Variants in MAML2 observed in about 807,000 individuals in gnomAD.
MAML2 encodes mastermind-like protein 2.
In MAML2, 22 loss-of-function variants were observed where a neutral mutation model predicts 96.1. That is an observed-to-expected ratio of 0.23 (90% CI 0.16 to 0.33). The LOEUF is 0.33. Among genes scored for constraint, MAML2 ranks in the 10% least tolerant of loss-of-function variants. MAML2 has a pLI of 1.00. For synonymous variants in MAML2, 561 were observed against 521.3 expected (o/e 1.08, Z -1.04); for missense variants, 1,367 against 1,392.4 (o/e 0.98, Z 0.29).
chr11:96,204,930 C>T (rs1393880161), intron 1 of MAML2, among the ~76,000 whole-genome samples: 1 of 152,190 alleles, frequency 6.6e-6, no homozygotes, highest in South Asian at 2.1e-4. Context: ...TTACATTGAT[C>T]GGAGGGCCTC....
At chr11:96,058,070 G>A (rs950927152) in intron 2 of MAML2, among the ~76,000 whole-genome samples, 4 of 152,262 alleles carry the variant, frequency 2.6e-5, no homozygotes, top group Non-Finnish European at 4.4e-5. Context: ...AAGGCCTCAA[G>A]TAAGGGTGTG....
chr11:96,328,828 A>G (rs1863818541), intron 1 of MAML2, among the ~76,000 whole-genome samples: 1 of 152,172 alleles, frequency 6.6e-6, no homozygotes, highest in South Asian at 2.1e-4. Context: ...TTTTAGCGAT[A>G]AGAAAAAAAG....
chr11:96,128,205 C>G (rs990136249), intron 1 of MAML2, among the ~76,000 whole-genome samples: 1 of 152,046 alleles, frequency 6.6e-6, no homozygotes, highest in Non-Finnish European at 1.5e-5. Flanking sequence ...ATCAGCCTGA[C>G]GAATATGGTG....
chr11:96,121,437 A>G (rs1860338355), intron 1 of MAML2, among the ~76,000 whole-genome samples: 1 of 152,190 alleles, frequency 6.6e-6, no homozygotes, highest in Admixed American at 6.5e-5. Flanking sequence ...TGTCCAGTGG[A>G]TATTATTAGC....
At chr11:96,299,056 A>AT (rs1191083053) in intron 1 of MAML2, among the ~76,000 whole-genome samples, 45 of 49,594 alleles carry the variant, frequency 9.1e-4, no homozygotes, top group Non-Finnish European at 1.2e-3. Flanking sequence ...AAAAAAAAAA[A>AT]AAAAATATAT....
rs1859764134 is a variant in MAML2, at chr11:96,093,299, G to A, written c.732C>T (p.Asn244=). ...PMSQAPLRKT[N]TLPSHTHSPG... is the part of the protein sequence containing the mutation. ...GAGAATGTGTATGGGATGGCAGAGT[G>A]TTAGTCTTTCGCAGGGGTGCTTGGC... is the stretch of plus-strand genomic sequence containing the variant. The change falls in exon 2 of 5, where the codon AAC becomes AAT. Residue 244 remains asparagine, a synonymous_variant. Transcript: ENST00000524717. The A allele has an allele frequency of 1.2e-6, 2 of 1,613,890 alleles. No homozygotes were observed. Among genetic ancestry groups the A allele is most frequent in the African/African-American group, 2.7e-5 (2 of 74,914 alleles).
chr11:96,326,358 C>CGTGTGTGTGT (rs35138919), intron 1 of MAML2, among the ~76,000 whole-genome samples: 29 of 147,756 alleles, frequency 2.0e-4, no homozygotes, highest in African/African-American at 6.8e-4. Context: ...CACACTAAAG[C>CGTGTGTGTGT]GTGTGTGTGT....
intron 1 of MAML2, among the ~76,000 whole-genome samples, chr11:96,281,899 A>G (rs116869513): frequency 0.03 from 4,559 of 152,160 alleles, 85 homozygotes; most frequent in South Asian, 0.063. Context: ...AAAAACAAAA[A>G]AGACCTGATC....
chr11:96,262,331 C>A (rs1862760777), intron 1 of MAML2, among the ~76,000 whole-genome samples: 1 of 152,126 alleles, frequency 6.6e-6, no homozygotes, highest in Non-Finnish European at 1.5e-5. Flanking sequence ...CCTCAGTTAG[C>A]ATTATTATTT....
chr11:96,208,978 G>A (rs1442268256), intron 1 of MAML2, among the ~76,000 whole-genome samples: 1 of 152,134 alleles, frequency 6.6e-6, no homozygotes, highest in African/African-American at 2.4e-5. Flanking sequence ...TTTTCAAAAT[G>A]TGGTCCAGAA....
chr11:96,017,802 C>T (rs1217237820), intron 2 of MAML2, among the ~76,000 whole-genome samples: 1 of 151,986 alleles, frequency 6.6e-6, no homozygotes, highest in Non-Finnish European at 1.5e-5. Flanking sequence ...TGCTGCTGTG[C>T]AAGAGGCAAG....
chr11:96,332,510 C>G (rs1183387165), intron 1 of MAML2, among the ~76,000 whole-genome samples: 2 of 152,194 alleles, frequency 1.3e-5, no homozygotes, highest in East Asian at 1.9e-4. Context: ...GGCTCTAGGA[C>G]TTGGGCCCAA....
At chr11:96,136,160 T>A (rs1337134694) in intron 1 of MAML2, among the ~76,000 whole-genome samples, 1 of 152,116 alleles carries the variant, frequency 6.6e-6, no homozygotes. Context: ...GAAGTCCAGG[T>A]TATATCTAAA....
chr11:96,310,093 T>C lies in MAML2; in HGVS notation c.513+31290A>G, dbSNP rs189265908. Among the ~76,000 whole-genome samples the C allele has an allele frequency of 5.3e-5, 8 of 152,242 alleles. No homozygotes were observed. The East Asian group carries it at 1.5e-3, about 29-fold the overall frequency. ...TTCTTGCTCTTTTAAAAAACTATCA[T>C]CATATTTGGAGCCAAGAAATCAGTT... On this transcript the variant is annotated intron_variant, in intron 1 of 4. Transcript: ENST00000524717.
At chr11:96,029,439 A>C (rs183317750) in intron 2 of MAML2, among the ~76,000 whole-genome samples, 3 of 152,246 alleles carry the variant, frequency 2.0e-5, no homozygotes, top group Non-Finnish European at 4.4e-5. Context: ...GCCGTCTCAA[A>C]GAGATTCTTT....
At chr11:96,150,238 T>C (rs1295440227) in intron 1 of MAML2, among the ~76,000 whole-genome samples, 2 of 152,158 alleles carry the variant, frequency 1.3e-5, no homozygotes, top group African/African-American at 4.8e-5. Flanking sequence ...AGTGATGAAG[T>C]CACAAAGCTG....
At chr11:96,279,907 A>G (rs1000788553) in intron 1 of MAML2, among the ~76,000 whole-genome samples, 3 of 152,258 alleles carry the variant, frequency 2.0e-5, no homozygotes, top group African/African-American at 7.2e-5. Flanking sequence ...AAGAAGTCAC[A>G]GATTAAATGG....
chr11:96,265,249 A>G (rs1862810226), intron 1 of MAML2, among the ~76,000 whole-genome samples: 1 of 152,194 alleles, frequency 6.6e-6, no homozygotes, highest in African/African-American at 2.4e-5. Context: ...CGCGGGGAGG[A>G]CGAGGGGAGA....
intron 1 of MAML2, among the ~76,000 whole-genome samples, chr11:96,101,348 AC>A (rs1437654917): frequency 6.6e-6 from 1 of 152,224 alleles, no homozygotes; most frequent in Non-Finnish European, 1.5e-5. Flanking sequence ...CACTTCCATC[AC>A]TTCCCTGTGG....
Sources: allele counts gnomAD v4.1 joint callset (sites outside exome capture counted in the v4.1 genomes callset), GRCh38; gene constraint gnomAD v4.1.1; transcripts MANE v1.5; gene names NCBI Gene and HGNC (gene_info 2026-07-23, HGNC 2026-07-21).